PPARGC1A: variants seen among roughly 807,000 people sequenced by gnomAD.
PPARGC1A encodes the protein peroxisome proliferator-activated receptor gamma coactivator 1-alpha.
PPARGC1A carries 25 observed loss-of-function variants against 88.7 expected under a neutral mutation model. The ratio of observed to expected loss-of-function variants is 0.28; its 90% CI spans 0.21 to 0.39. The LOEUF is 0.39. Ranked by LOEUF, PPARGC1A falls within the 10% of genes least tolerant of loss-of-function variation. PPARGC1A has a pLI of 1.00. For synonymous variants in PPARGC1A, 363 were observed against 355.6 expected, an observed-to-expected ratio of 1.02 and a Z score of -0.24; for missense variants, 880 against 968.7, an observed-to-expected ratio of 0.91 and a Z score of 1.22.
the PPARGC1A span, among the ~76,000 whole-genome samples, chr4:24,455,125 T>C: frequency 6.6e-6 from 1 of 152,192 alleles, no homozygotes; most frequent in Non-Finnish European, 1.5e-5. Context: ...TTGGGAATTA[T>C]AAAGTCATTG....
chr4:23,883,509 G>A (rs1254570757), intron 2 of PPARGC1A: 1 of 152,130 alleles, frequency 6.6e-6, no homozygotes, highest in South Asian at 2.1e-4. Flanking sequence ...TAAATTTGGG[G>A]TTCAAATCCC....
chr4:24,194,172 A>C, the PPARGC1A span, among the ~76,000 whole-genome samples: 2,886 of 151,942 alleles, frequency 0.019, 100 homozygotes, highest in African/African-American at 0.066. Context: ...CAGGAAAAAG[A>C]AGCAGTACGA....
chr4:23,914,811 A>C, the PPARGC1A span, among the ~76,000 whole-genome samples: 1 of 152,214 alleles, frequency 6.6e-6, no homozygotes, highest in African/African-American at 2.4e-5. Flanking sequence ...ACACAAACAA[A>C]AAGCATTGTT....
chr4:24,337,733 T>G, the PPARGC1A span, among the ~76,000 whole-genome samples: 1 of 151,026 alleles, frequency 6.6e-6, no homozygotes, highest in African/African-American at 2.4e-5. Context: ...ATTAAATAAC[T>G]TGTCCCAGAT....
At chr4:23,966,380 C>T in the PPARGC1A span, among the ~76,000 whole-genome samples, 1 of 152,102 alleles carries the variant, frequency 6.6e-6, no homozygotes, top group Admixed American at 6.5e-5. Context: ...GTAGTGAGAC[C>T]GAGAAACTAG....
the PPARGC1A span, among the ~76,000 whole-genome samples, chr4:24,408,542 C>T: frequency 2.0e-5 from 3 of 152,166 alleles, no homozygotes; most frequent in Non-Finnish European, 4.4e-5. Flanking sequence ...ACCTCTAAGC[C>T]TAGGTCATGA....
At chr4:24,395,097 G>T in the PPARGC1A span, among the ~76,000 whole-genome samples, 3 of 152,110 alleles carry the variant, frequency 2.0e-5, no homozygotes, top group African/African-American at 7.2e-5. Flanking sequence ...CACCAGCTGT[G>T]GCACCTTAGA....
intron 2 of PPARGC1A, among the ~76,000 whole-genome samples, chr4:23,839,821 G>A (rs1267416572): frequency 6.6e-6 from 1 of 151,652 alleles, no homozygotes; most frequent in Non-Finnish European, 1.5e-5. Context: ...AGTTTGTGCA[G>A]GGAAAGTCCC....
rs1717135549 is a variant in PPARGC1A at position 23,794,334 on chromosome 4, G to A, written c.*1488C>T. ...AAATTTCATTCCCCTAACAAATCCA[G>A]TGTATAAAACTTCAAAGAAAAACAA... On this transcript the variant is annotated 3_prime_UTR_variant, in exon 13 of 13. Transcript: ENST00000264867. The A allele has an allele frequency of 6.6e-6, 1 of 152,488 alleles. No homozygotes were observed. The highest frequency in any genetic ancestry group is 1.5e-5 in the Non-Finnish European group (1 of 68,004). 9.4% of individuals were successfully genotyped at this position (152,488 alleles called of 1,614,324 possible). A position where few individuals can be genotyped will look rare whatever the true frequency, so the allele number is the denominator to read the frequency against.
the PPARGC1A span, among the ~76,000 whole-genome samples, chr4:23,987,179 A>G: frequency 1.3e-5 from 2 of 152,042 alleles, no homozygotes; most frequent in Non-Finnish European, 2.9e-5. Flanking sequence ...AAATCGCTTG[A>G]TGAAAACAAT....
chr4:23,806,709 TAAAG>T (rs1315168075), intron 10 of PPARGC1A, among the ~76,000 whole-genome samples: 1 of 152,114 alleles, frequency 6.6e-6, no homozygotes, highest in African/African-American at 2.4e-5. Context: ...GGGGGATAAA[TAAAG>T]AAACAAGAAA....
the PPARGC1A span, among the ~76,000 whole-genome samples, chr4:24,034,379 TA>T: frequency 3.9e-5 from 6 of 152,164 alleles, no homozygotes; most frequent in Admixed American, 2.0e-4. Context: ...AACAAACTAT[TA>T]AAACATATGA....
At chr4:24,319,246 G>A in the PPARGC1A span, among the ~76,000 whole-genome samples, 1 of 152,164 alleles carries the variant, frequency 6.6e-6, no homozygotes, top group Non-Finnish European at 1.5e-5. Context: ...AGAGCCTGAG[G>A]TGGGGGGATC....
At chr4:24,432,378 C>T in the PPARGC1A span, among the ~76,000 whole-genome samples, 5 of 152,062 alleles carry the variant, frequency 3.3e-5, no homozygotes, top group Admixed American at 3.3e-4. Flanking sequence ...TGAGGGAGAG[C>T]TCATTTTGGA....
the PPARGC1A span, among the ~76,000 whole-genome samples, chr4:23,948,259 T>C: frequency 6.6e-6 from 1 of 152,070 alleles, no homozygotes; most frequent in Non-Finnish European, 1.5e-5. Context: ...TAGCAGAAAA[T>C]ACAAAACCAT....
the PPARGC1A span, among the ~76,000 whole-genome samples, chr4:24,448,646 A>G: frequency 6.6e-6 from 1 of 152,156 alleles, no homozygotes; most frequent in Admixed American, 6.5e-5. Context: ...CTGTGGCCAC[A>G]TAGGGAGTTG....
At chr4:23,905,303 G>A (rs535168779), upstream of PPARGC1A, among the ~76,000 whole-genome samples, 20 of 152,104 alleles carry the variant, frequency 1.3e-4, no homozygotes, top group South Asian at 6.2e-4. Context: ...TCCACTCTTC[G>A]CCCCCAGATA....
chr4:24,272,365 C>G, the PPARGC1A span, among the ~76,000 whole-genome samples: 1 of 152,092 alleles, frequency 6.6e-6, no homozygotes, highest in Non-Finnish European at 1.5e-5. Flanking sequence ...CGTGCTCTAC[C>G]CATAATGCCA....
chr4:23,899,089 C>CA (rs1169035864), intron 1 of PPARGC1A, among the ~76,000 whole-genome samples: 1 of 151,818 alleles, frequency 6.6e-6, no homozygotes. Context: ...ATCCACCCCC[C>CA]CCCGGCCTTG....
Sources: allele counts gnomAD v4.1 joint callset (sites outside exome capture counted in the v4.1 genomes callset), GRCh38; gene constraint gnomAD v4.1.1; transcripts MANE v1.5; gene names NCBI Gene and HGNC (gene_info 2026-07-23, HGNC 2026-07-21).